Variants in OR9Q1 observed in about 807,000 individuals in gnomAD.
OR9Q1 encodes the protein olfactory receptor family 9 subfamily Q member 1, also known as olfactory receptor 9Q1.
For synonymous variants in OR9Q1, 153 were observed against 148.6 expected, an observed-to-expected ratio of 1.03 and a Z score of -0.22; for missense variants, 374 against 378.8, an observed-to-expected ratio of 0.99 and a Z score of 0.11.
chr11:58,100,418 G>C (rs1853772430), intron 2 of OR9Q1, among the ~76,000 whole-genome samples: 1 of 151,998 alleles, frequency 6.6e-6, no homozygotes, highest in Admixed American at 6.6e-5. Flanking sequence ...TGTCCTTTGT[G>C]CTATAATTGT....
intron 2 of OR9Q1, among the ~76,000 whole-genome samples, chr11:58,099,835 T>G (rs1853766918): frequency 6.6e-6 from 1 of 152,196 alleles, no homozygotes; most frequent in East Asian, 1.9e-4. Context: ...TTCCTTACTA[T>G]TTTGTTTTAG....
rs375819259 is a variant in OR9Q1 at position 58,118,932 on chromosome 11, G to A, written c.-14-60499G>A. On this transcript the variant is annotated intron_variant, in intron 2 of 2. Coordinates refer to ENST00000335397, the MANE Select transcript of OR9Q1 (RefSeq NM_001005212.4). ...CACAGAAGAAGAAGTTTATTTGATTGTCCTTACAGAAGGAGAGGGTGAAGG... is the reference window on the plus strand; with the variant it reads ...CACAGAAGAAGAAGTTTATTTGATTATCCTTACAGAAGGAGAGGGTGAAGG... 96 of 1,613,906 alleles carry A rather than the reference G, an allele frequency of 5.9e-5. 1 individual carries two copies. In the East Asian group the frequency reaches 8.5e-4, roughly 14 times the overall value.
chr11:58,075,177 A>G (rs979353104), intron 2 of OR9Q1, among the ~76,000 whole-genome samples: 2 of 152,162 alleles, frequency 1.3e-5, no homozygotes, highest in Non-Finnish European at 2.9e-5. Flanking sequence ...AGTAGCAATG[A>G]TTCTATAAAT....
intron 1 of OR9Q1, chr11:58,040,756 G>A (rs2514177): frequency 0.93 from 141,623 of 152,310 alleles, 66,054 homozygotes; most frequent in South Asian, 0.97. Context: ...AGAAAGCCAC[G>A]CTCCCTATGG....
rs199629400 is a variant in OR9Q1 at position 58,179,614 on chromosome 11, C to T, written c.170C>T (p.Ala57Val). 16 of 1,613,320 alleles carry T rather than the reference C, an allele frequency of 9.9e-6. No homozygotes were observed. The highest frequency in any genetic ancestry group is 1.4e-5 in the Non-Finnish European group (16 of 1,179,482). ...ILILMDHQLH[A>V]PMYFLLSHLA... is the part of the protein sequence containing the mutation. ...ATCCTCATGGATCACCAGCTCCACG[C>T]TCCAATGTATTTCCTTCTGAGTCAC... is the stretch of plus-strand genomic sequence containing the variant. The change falls in exon 3 of 3, where the codon GCT becomes GTT. Residue 57 changes from alanine (A) to valine (V), a missense_variant. Transcript: ENST00000335397.
At chr11:58,131,005 G>A (rs1456992819) in intron 2 of OR9Q1, among the ~76,000 whole-genome samples, 1 of 152,122 alleles carries the variant, frequency 6.6e-6, no homozygotes, top group Non-Finnish European at 1.5e-5. Flanking sequence ...AAATACCAAA[G>A]TGACCCAAAT....
chr11:58,140,019 C>A (rs1346165953), intron 2 of OR9Q1, among the ~76,000 whole-genome samples: 2 of 152,094 alleles, frequency 1.3e-5, no homozygotes, highest in Non-Finnish European at 2.9e-5. Context: ...TTGATTTTTG[C>A]ATTTCTCTGA....
At chr11:58,025,124 A>G (rs932257059) in intron 1 of OR9Q1, among the ~76,000 whole-genome samples, 5 of 152,172 alleles carry the variant, frequency 3.3e-5, no homozygotes, top group Non-Finnish European at 5.9e-5. Flanking sequence ...TGTGGGGATT[A>G]AGCCAGATGG....
chr11:58,064,808 A>C, intron 2 of OR9Q1, among the ~76,000 whole-genome samples: 1 of 152,096 alleles, frequency 6.6e-6, no homozygotes, highest in Non-Finnish European at 1.5e-5. Context: ...AAACAGCCCC[A>C]GGGAGTCCCT....
intron 2 of OR9Q1, among the ~76,000 whole-genome samples, chr11:58,147,078 G>A (rs1854305876): frequency 6.6e-6 from 1 of 152,126 alleles, no homozygotes; most frequent in African/African-American, 2.4e-5. Context: ...ACAACAGTTG[G>A]TGCATCCCAG....
intron 2 of OR9Q1, among the ~76,000 whole-genome samples, chr11:58,121,932 CAG>C (rs542118928): frequency 6.6e-6 from 1 of 152,264 alleles, no homozygotes; most frequent in South Asian, 2.1e-4. Flanking sequence ...AGACAACTGA[CAG>C]AGGTTAATGA....
At chr11:58,176,087 G>C (rs867083264) in intron 2 of OR9Q1, among the ~76,000 whole-genome samples, 2 of 152,208 alleles carry the variant, frequency 1.3e-5, no homozygotes, top group Non-Finnish European at 2.9e-5. Context: ...GTCTTGCTGA[G>C]GTTTCTGTGT....
chr11:58,090,784 C>T (rs1337964653), intron 2 of OR9Q1, among the ~76,000 whole-genome samples: 3 of 151,972 alleles, frequency 2.0e-5, no homozygotes, highest in Non-Finnish European at 2.9e-5. Flanking sequence ...GGCATTTTTT[C>T]GTTGGTAGGC....
At chr11:58,070,407 C>T (rs778029342) in intron 2 of OR9Q1, among the ~76,000 whole-genome samples, 7 of 152,028 alleles carry the variant, frequency 4.6e-5, no homozygotes, top group African/African-American at 9.7e-5. Flanking sequence ...GTAGTCCTGG[C>T]GTGTACACCG....
chr11:58,090,585 G>C (rs1483851886), intron 2 of OR9Q1, among the ~76,000 whole-genome samples: 1 of 152,122 alleles, frequency 6.6e-6, no homozygotes, highest in Non-Finnish European at 1.5e-5. Flanking sequence ...ATATTCACCA[G>C]GTACATTGCC....
intron 2 of OR9Q1, among the ~76,000 whole-genome samples, chr11:58,102,369 A>G (rs1399471458): frequency 1.3e-5 from 2 of 151,784 alleles, no homozygotes; most frequent in South Asian, 4.2e-4. Flanking sequence ...TGTGAGTTTT[A>G]TACTTTCATG....
intron 2 of OR9Q1, among the ~76,000 whole-genome samples, chr11:58,179,012 A>AAGAGAGAGAGGGAGAG (rs1854633418): frequency 7.5e-6 from 1 of 132,454 alleles, no homozygotes; most frequent in East Asian, 2.2e-4. Flanking sequence ...GAAAGAAAGA[A>AAGAGAGAGAGGGAGAG]AGAGAGAGAG....
intron 2 of OR9Q1, among the ~76,000 whole-genome samples, chr11:58,115,732 T>C (rs1486817898): frequency 6.6e-6 from 1 of 152,144 alleles, no homozygotes; most frequent in Admixed American, 6.5e-5. Flanking sequence ...GGTCTGCATA[T>C]CTGTTTGTAT....
intron 2 of OR9Q1, among the ~76,000 whole-genome samples, chr11:58,164,398 C>T (rs1376344922): frequency 2.6e-5 from 4 of 152,084 alleles, no homozygotes; most frequent in Non-Finnish European, 5.9e-5. Context: ...GAATGAAGAA[C>T]CACGTGTCTG....
Sources: allele counts gnomAD v4.1 joint callset (sites outside exome capture counted in the v4.1 genomes callset), GRCh38; gene constraint gnomAD v4.1.1; transcripts MANE v1.5; gene names NCBI Gene and HGNC (gene_info 2026-07-23, HGNC 2026-07-21).